Variants in SEZ6L2 observed in about 807,000 individuals in gnomAD.
The protein encoded by SEZ6L2 is seizure related 6 homolog like 2.
In SEZ6L2, 44 loss-of-function variants were observed where a neutral mutation model predicts 97.0. That is an observed-to-expected ratio of 0.45 (90% CI 0.36 to 0.58). SEZ6L2 has a LOEUF of 0.58. Among genes scored for constraint, SEZ6L2 ranks in the 20% least tolerant of loss-of-function variants. The pLI, the probability that SEZ6L2 is intolerant of heterozygous loss-of-function variation, is 0.00. For missense variants in SEZ6L2, 1,086 were observed against 1,233.3 expected (o/e 0.88, Z 1.79); for synonymous variants, 543 against 546.1 (o/e 0.99, Z 0.08).
At chr16:29,898,082 G>A (rs2068445682) in intron 1 of SEZ6L2, 98 bp from the exon 2 acceptor site, 2 of 1,531,542 alleles carry the variant, frequency 1.3e-6, no homozygotes, top group Admixed American at 4.0e-5. Flanking sequence ...TCCATCAGCT[G>A]GGCCTGCAGG....
chr16:29,873,346 A>C lies in SEZ6L2; in HGVS notation c.2382T>G (p.Ser794=), dbSNP rs529400346. ...AGCCCTCATAGCAGAAGAAGCGCAGAGACTCGCCCGCCTGGTAGTGGTGCT... is the reference window on the plus strand; with the variant it reads ...AGCCCTCATAGCAGAAGAAGCGCAGCGACTCGCCCGCCTGGTAGTGGTGCT... The part of the protein sequence containing the change: ...LYKHHYQAGE[S]LRFFCYEGFE... The change falls in exon 14 of 18, where the codon TCT becomes TCG. Residue 794 remains serine (S), a synonymous_variant. Transcript: ENST00000617533. The surrounding 1 kb of genome is among the most constrained non-coding windows in gnomAD (Gnocchi z 4.3). The C allele has an allele frequency of 1.1e-5, 17 of 1,614,222 alleles. No individual in the cohort carries two copies. In the African/African-American group the frequency reaches 2.0e-4, roughly 19 times the overall value.
chr16:29,873,692 C>A lies in SEZ6L2; in HGVS notation c.2142G>T (p.Gly714=). 2 of 1,607,588 alleles carry A rather than the reference C, an allele frequency of 1.2e-6. No individual in the cohort carries two copies. The highest frequency in any genetic ancestry group is 1.7e-6 in the Non-Finnish European group (2 of 1,177,832). Residue 714 remains glycine, a synonymous_variant, in exon 13 of 18, where the codon GGG becomes GGT. Coordinates refer to ENST00000617533, the MANE Select transcript of SEZ6L2 (RefSeq NM_001243332.2). This position sits in a 1 kb window ranked among gnomAD's most constrained non-coding sequence, Gnocchi z 4.3. Reference sequence around the variant, plus strand: ...AGCCGGCGTCCGAGGCGGTGCGGTGCCCGTTGGCAATCTCGCCAGGGTCAG... The same window carrying A: ...AGCCGGCGTCCGAGGCGGTGCGGTGACCGTTGGCAATCTCGCCAGGGTCAG... ...TCADPGEIAN[G]HRTASDAGFP...
At chr16:29,875,792 A>T (rs1332468941) in intron 12 of SEZ6L2, among the ~76,000 whole-genome samples, 2 of 151,290 alleles carry the variant, frequency 1.3e-5, no homozygotes, top group African/African-American at 4.9e-5. Flanking sequence ...CCTCCTGAGT[A>T]TCTGGGATTA....
intron 8 of SEZ6L2, among the ~76,000 whole-genome samples, chr16:29,884,973 C>T (rs993198105): frequency 6.6e-6 from 1 of 151,646 alleles, no homozygotes; most frequent in Admixed American, 6.6e-5. Context: ...TTTGGGCGGC[C>T]GAGGCAGGCG....
At chr16:29,898,453 C>A (rs929153572) in intron 1 of SEZ6L2, among the ~76,000 whole-genome samples, 2 of 151,932 alleles carry the variant, frequency 1.3e-5, no homozygotes, top group East Asian at 1.9e-4. Flanking sequence ...CTCTCCCCCC[C>A]ACCCTCTCTC....
chr16:29,891,518 A>G (rs1173661215), intron 5 of SEZ6L2, among the ~76,000 whole-genome samples: 1 of 152,106 alleles, frequency 6.6e-6, no homozygotes, highest in Non-Finnish European at 1.5e-5. Flanking sequence ...GCACACGCCT[A>G]TAATCCCAGC....
At position 29,879,908 on chromosome 16, in the gene SEZ6L2, T is replaced by G; in HGVS notation, c.1529A>C (p.Asp510Ala). Reference protein sequence around the residue: ...PGPPNAIECVDPTEPHWNDTE... With the variant: ...PGPPNAIECVAPTEPHWNDTE... ...GTCGTTCCAGTGGGGTTCTGTGGGA[T>G]CCACACATTCGATGGCATTGGGGGG... Residue 510 changes from aspartate (D) to alanine (A), a missense_variant, in exon 9 of 18, where the codon GAT becomes GCT. Asp to Ala is a moderately radical substitution (Grantham distance 126). Transcript: ENST00000617533. 1 of 1,613,530 alleles carries G rather than the reference T, an allele frequency of 6.2e-7. No individual in the cohort carries two copies. The highest frequency in any genetic ancestry group is 8.5e-7 in the Non-Finnish European group (1 of 1,179,652).
intron 16 of SEZ6L2, 54 bp downstream of exon 16, chr16:29,872,355 G>A: frequency 6.2e-7 from 1 of 1,603,488 alleles, no homozygotes. Context: ...AGGCTCCAGT[G>A]CCAGGCTCGC....
chr16:29,886,630 G>A (rs569442811), intron 7 of SEZ6L2, among the ~76,000 whole-genome samples: 3 of 150,686 alleles, frequency 2.0e-5, no homozygotes, highest in African/African-American at 4.9e-5. Context: ...GTAGTGAGCC[G>A]AGATCGCACC....
chr16:29,876,823 T>C lies in SEZ6L2; in HGVS notation c.2037A>G (p.Leu679=), dbSNP rs756849226. 3 of 1,608,424 alleles carry C rather than the reference T, an allele frequency of 1.9e-6. No homozygotes were observed. The highest frequency in any genetic ancestry group is 2.2e-5 in the South Asian group (2 of 90,074). The change falls in exon 12 of 18, where the codon CTA becomes CTG. Residue 679 remains leucine (L), a synonymous_variant. Transcript: ENST00000617533. The surrounding 1 kb of genome is among the most constrained non-coding windows in gnomAD (Gnocchi z 6.5). ...TYQCEPGYEL[L]GSDILTCQWD... ...ACTGGCAAGTGAGAATGTCGGAGCC[T>C]AGCAGCTCGTAGCCAGGCTCGCACT...
In SEZ6L2 at chr16:29,885,712, C is replaced by G. The variant is rs775884420; in HGVS notation, c.1246G>C (p.Val416Leu). ...TCGTCCATGTCCGAATCATAGATCA[C>G]GGGGGATAGGGGGCTGCCCCCTGAG... ...VRSGGSPLSP[V>L]IYDSDMDDVP... Residue 416 changes from valine to leucine, a missense_variant, in exon 8 of 18, where the codon GTG (valine) becomes CTG (leucine). Val to Leu is a conservative substitution (Grantham distance 32, BLOSUM62 1). Coordinates refer to ENST00000617533, the MANE Select transcript of SEZ6L2 (RefSeq NM_001243332.2). 1 of 1,613,590 alleles carries G rather than the reference C, an allele frequency of 6.2e-7. No individual in the cohort carries two copies. The highest frequency in any genetic ancestry group is 8.5e-7 in the Non-Finnish European group (1 of 1,179,798).
chr16:29,885,700 A>C lies in SEZ6L2; in HGVS notation c.1258T>G (p.Ser420Ala), dbSNP rs1205971951. Residue 420 changes from serine to alanine, a missense_variant, in exon 8 of 18, where the codon TCG becomes GCG. Coordinates refer to ENST00000617533, the MANE Select transcript of SEZ6L2 (RefSeq NM_001243332.2). ...CGCTCGGGGACATCGTCCATGTCCG[A>C]ATCATAGATCACGGGGGATAGGGGG... ...GSPLSPVIYD[S>A]DMDDVPERGL... The C allele has an allele frequency of 1.2e-6, 2 of 1,613,804 alleles. No individual in the cohort carries two copies. Among genetic ancestry groups the C allele is most frequent in the Non-Finnish European group, 8.5e-7 (1 of 1,179,948 alleles).
chr16:29,877,412 C>T lies in SEZ6L2; in HGVS notation c.1768G>A (p.Ala590Thr), dbSNP rs777700133. The stretch of plus-strand genomic sequence containing the variant: ...CCCCGCAGCTGGGCCAAGACTCGGG[C>T]GCTGGGACCGTCCCCGTCGAACAGC... ...LTLFDGDGPS[A>T]RVLAQLRGPQ... is the part of the protein sequence containing the mutation. The change falls in exon 11 of 18, where the codon GCC becomes ACC. Residue 590 changes from alanine to threonine, a missense_variant. Physicochemically the swap from Ala to Thr is moderately conservative, Grantham distance 58. Coordinates refer to ENST00000617533, the MANE Select transcript of SEZ6L2 (RefSeq NM_001243332.2). 5 of 1,611,888 alleles carry T rather than the reference C, an allele frequency of 3.1e-6. No individual in the cohort carries two copies. The highest frequency in any genetic ancestry group is 3.4e-6 in the Non-Finnish European group (4 of 1,179,062).
chr16:29,872,379 T>C (rs750084489), intron 16 of SEZ6L2, 30 bp downstream of exon 16: 4 of 1,611,406 alleles, frequency 2.5e-6, no homozygotes, highest in South Asian at 1.1e-5. Context: ...ACGTCTGCCC[T>C]GGCCGGCAGT....
chr16:29,891,594 T>C (rs2068273913), intron 5 of SEZ6L2, among the ~76,000 whole-genome samples: 1 of 152,000 alleles, frequency 6.6e-6, no homozygotes, highest in Non-Finnish European at 1.5e-5. Context: ...GGAGCTGAGA[T>C]TGTGCCATTG....
At chr16:29,892,136 T>C (rs559082708) in intron 5 of SEZ6L2, among the ~76,000 whole-genome samples, 1 of 152,322 alleles carries the variant, frequency 6.6e-6, no homozygotes, top group South Asian at 2.1e-4. Flanking sequence ...ATGGGAAAGT[T>C]TGCTGAACTT....
intron 5 of SEZ6L2, among the ~76,000 whole-genome samples, 200 bp downstream of exon 5, chr16:29,895,059 G>T (rs1417936921): frequency 1.3e-5 from 2 of 151,542 alleles, no homozygotes; most frequent in African/African-American, 4.9e-5. Flanking sequence ...GGCGTCTGTA[G>T]TCCCAGCTAC....
At chr16:29,874,555 T>TG (rs2067860783) in intron 12 of SEZ6L2, among the ~76,000 whole-genome samples, 1 of 75,280 alleles carries the variant, frequency 1.3e-5, no homozygotes, top group African/African-American at 6.1e-5. Context: ...TGCTTGTTTT[T>TG]TTTTTTTTTT....
chr16:29,897,725 A>T, intron 2 of SEZ6L2, 128 bp downstream of exon 2: 1 of 1,145,478 alleles, frequency 8.7e-7, no homozygotes, highest in Non-Finnish European at 1.2e-6. Flanking sequence ...CCTGAATCTC[A>T]CAGGAATGCA....
Sources: allele counts gnomAD v4.1 joint callset (sites outside exome capture counted in the v4.1 genomes callset), GRCh38; gene constraint gnomAD v4.1.1; non-coding constraint Gnocchi (gnomAD v3.1); transcripts MANE v1.5; gene names NCBI Gene and HGNC (gene_info 2026-07-23, HGNC 2026-07-21).